Variants in PAK5 observed in about 807,000 individuals in gnomAD.
PAK5 encodes p21 (RAC1) activated kinase 5.
Under a neutral mutation model 65.9 loss-of-function variants are expected in PAK5, and 16 were observed. The observed-to-expected ratio is 0.24, with a 90% confidence interval of 0.16 to 0.37. PAK5 has a LOEUF of 0.37. PAK5 is among the 10% of genes least tolerant of loss of function. PAK5 has a pLI of 1.00. For missense variants in PAK5, 785 were observed against 903.9 expected, an observed-to-expected ratio of 0.87 and a Z score of 1.69; for synonymous variants, 371 against 354.9, an observed-to-expected ratio of 1.05 and a Z score of -0.51.
intron 2 of PAK5, among the ~76,000 whole-genome samples, chr20:9,665,204 G>A (rs1217275703): frequency 6.8e-6 from 1 of 147,630 alleles, no homozygotes; most frequent in East Asian, 2.1e-4. Flanking sequence ...ATAGGCATGA[G>A]CCACTGTGCC....
At chr20:9,662,631 G>A (rs566461173) in intron 2 of PAK5, among the ~76,000 whole-genome samples, 10 of 152,294 alleles carry the variant, frequency 6.6e-5, no homozygotes, top group African/African-American at 2.2e-4. Context: ...TCCCTGAACT[G>A]CTGTATGGAG....
intron 1 of PAK5, among the ~76,000 whole-genome samples, chr20:9,743,494 C>T (rs1392946286): frequency 6.6e-6 from 1 of 152,074 alleles, no homozygotes; most frequent in Non-Finnish European, 1.5e-5. Context: ...TAACTTGTAT[C>T]AGACTCTTAG....
chr20:9,729,268 T>G (rs571388458), intron 1 of PAK5, among the ~76,000 whole-genome samples: 1 of 152,110 alleles, frequency 6.6e-6, no homozygotes, highest in African/African-American at 2.4e-5. Flanking sequence ...AATTTAAAAT[T>G]TATTTGAATG....
intron 1 of PAK5, among the ~76,000 whole-genome samples, chr20:9,796,201 GC>G (rs1339496003): frequency 1.3e-5 from 2 of 151,978 alleles, no homozygotes; most frequent in African/African-American, 2.4e-5. Context: ...AGACAGATAA[GC>G]AAAAAAGCAA....
chr20:9,765,570 C>T (rs1219414322), intron 1 of PAK5, among the ~76,000 whole-genome samples: 1 of 152,026 alleles, frequency 6.6e-6, no homozygotes, highest in African/African-American at 2.4e-5. Context: ...GTTGATATAA[C>T]ACTGGTAGCT....
intron 1 of PAK5, among the ~76,000 whole-genome samples, chr20:9,754,165 A>T (rs2048607062): frequency 1.3e-5 from 2 of 152,300 alleles, no homozygotes; most frequent in South Asian, 2.1e-4. Context: ...AAAATTAGGA[A>T]ATAATGTAAC....
chr20:9,798,530 T>A (rs531159060), intron 1 of PAK5, among the ~76,000 whole-genome samples: 3 of 152,246 alleles, frequency 2.0e-5, no homozygotes, highest in Non-Finnish European at 4.4e-5. Context: ...TCTGGTGGTT[T>A]CTGTTTTCTC....
chr20:9,799,442 G>A (rs2049142361), intron 1 of PAK5, among the ~76,000 whole-genome samples: 1 of 152,096 alleles, frequency 6.6e-6, no homozygotes, highest in African/African-American at 2.4e-5. Context: ...AGGACCAGAA[G>A]AGTTTTAACT....
chr20:9,824,216 G>A (rs1379455051), intron 1 of PAK5, among the ~76,000 whole-genome samples: 4 of 152,116 alleles, frequency 2.6e-5, no homozygotes, highest in African/African-American at 4.8e-5. Context: ...AATCCCTGTT[G>A]TGTTTCATTT....
intron 1 of PAK5, among the ~76,000 whole-genome samples, chr20:9,759,268 T>G (rs192156345): frequency 1.3e-5 from 2 of 152,322 alleles, no homozygotes; most frequent in Non-Finnish European, 1.5e-5. Context: ...GATAACACCA[T>G]GTTTTAATAA....
intron 4 of PAK5, among the ~76,000 whole-genome samples, chr20:9,572,721 C>T (rs2045811962): frequency 6.6e-6 from 1 of 152,194 alleles, no homozygotes; most frequent in Non-Finnish European, 1.5e-5. Context: ...ATAGTTTACC[C>T]TTGCAGACCT....
chr20:9,639,639 T>A (rs567708554), intron 3 of PAK5, among the ~76,000 whole-genome samples: 4 of 152,362 alleles, frequency 2.6e-5, no homozygotes, highest in South Asian at 2.1e-4. Flanking sequence ...AACATTTAAG[T>A]GTCTATAACT....
chr20:9,733,203 G>T (rs917354412), intron 1 of PAK5, among the ~76,000 whole-genome samples: 3 of 152,184 alleles, frequency 2.0e-5, no homozygotes, highest in Non-Finnish European at 4.4e-5. Flanking sequence ...TTAAACAAAT[G>T]CATGCATAAT....
intron 4 of PAK5, among the ~76,000 whole-genome samples, chr20:9,568,164 G>T (rs1250957889): frequency 6.6e-6 from 1 of 152,216 alleles, no homozygotes; most frequent in Non-Finnish European, 1.5e-5. Flanking sequence ...ACTGGGGGTT[G>T]CTAAGCAGAC....
Position 9,537,388 on chromosome 20 carries a change from G to A in PAK5, c.*2074C>T, listed in dbSNP as rs78225382. 810 of 192,786 alleles carry A rather than the reference G, an allele frequency of 4.2e-3. 20 individuals are homozygous for A. In the East Asian group the frequency reaches 0.059, roughly 14 times the overall value. The allele number at this position is 192,786 out of a possible 1,614,324, so 11.9% of individuals were successfully genotyped here. A position where few individuals can be genotyped will look rare whatever the true frequency, so the allele number is the denominator to read the frequency against. On this transcript the variant is annotated 3_prime_UTR_variant, in exon 10 of 10. Transcript: ENST00000353224. ...ATCACTGTTTCCAATAACACAATGG[G>A]GAAAAGGCAAACATTTATTTTTATT...
At chr20:9,733,361 T>C (rs984642124) in intron 1 of PAK5, among the ~76,000 whole-genome samples, 1 of 152,010 alleles carries the variant, frequency 6.6e-6, no homozygotes, top group African/African-American at 2.4e-5. Context: ...ATTAGCATAT[T>C]CAACACCTCA....
At chr20:9,562,775 T>A in intron 6 of PAK5, 116 bp downstream of exon 6, 1 of 840,236 alleles carries the variant, frequency 1.2e-6, no homozygotes, top group South Asian at 1.7e-5. Flanking sequence ...GAAAGGGTAG[T>A]CATATTCCCT....
At chr20:9,782,968 T>C (rs892433126) in intron 1 of PAK5, among the ~76,000 whole-genome samples, 1 of 151,628 alleles carries the variant, frequency 6.6e-6, no homozygotes, top group African/African-American at 2.4e-5. Context: ...TCGCTCTTGT[T>C]GCCCAGGCTG....
At chr20:9,768,518 C>T (rs1219933662) in intron 1 of PAK5, among the ~76,000 whole-genome samples, 1 of 152,116 alleles carries the variant, frequency 6.6e-6, no homozygotes, top group African/African-American at 2.4e-5. Context: ...CGCGGTGGCT[C>T]ACACCTGTAA....
Sources: allele counts gnomAD v4.1 joint callset (sites outside exome capture counted in the v4.1 genomes callset), GRCh38; gene constraint gnomAD v4.1.1; transcripts MANE v1.5; gene names NCBI Gene and HGNC (gene_info 2026-07-23, HGNC 2026-07-21).